SVEP1: variants seen among roughly 807,000 people sequenced by gnomAD.
SVEP1 encodes sushi, von Willebrand factor type A, EGF and pentraxin domain containing 1.
Under a neutral mutation model 367.3 loss-of-function variants are expected in SVEP1, and 164 were observed. The observed-to-expected ratio is 0.45, with a 90% CI of 0.39 to 0.51. The LOEUF (loss-of-function observed/expected upper bound fraction) is 0.51. Among genes scored for constraint, SVEP1 ranks in the 20% least tolerant of loss-of-function variants. The pLI, the probability that SVEP1 is intolerant of heterozygous loss-of-function variation, is 0.00. For synonymous variants in SVEP1, 1,666 were observed against 1,611.6 expected, an observed-to-expected ratio of 1.03 and a Z score of -0.81; for missense variants, 4,117 against 4,425.3, an observed-to-expected ratio of 0.93 and a Z score of 1.98.
intron 43 of SVEP1, among the ~76,000 whole-genome samples, chr9:110,385,044 G>A (rs1404682331): frequency 6.7e-6 from 1 of 148,940 alleles, no homozygotes; most frequent in African/African-American, 2.5e-5. Flanking sequence ...GCAGTGGTGC[G>A]ATCTTGGCTC....
chr9:110,390,221 A>ATATACTTATATAAGTATGTGTATG (rs1827621087), intron 40 of SVEP1, among the ~76,000 whole-genome samples: 1 of 139,126 alleles, frequency 7.2e-6, no homozygotes, highest in South Asian at 2.1e-4. Flanking sequence ...ATACTTGTAT[A>ATATACTTATATAAGTATGTGTATG]TATACTTATA....
At chr9:110,432,774 T>G (rs1022954378) in intron 30 of SVEP1, 139 bp from the exon 31 acceptor site, 29 of 961,768 alleles carry the variant, frequency 3.0e-5, no homozygotes, top group African/African-American at 8.2e-5. Flanking sequence ...GTCCTAGGGA[T>G]AGCAGCAGCC....
intron 12 of SVEP1, 145 bp from the exon 13 acceptor site, chr9:110,479,901 A>G: frequency 8.7e-7 from 1 of 1,143,952 alleles, no homozygotes; most frequent in Non-Finnish European, 1.2e-6. Context: ...AGTTAAGGAG[A>G]GTTTCTAGGC....
At chr9:110,373,324 T>C (rs950864947) in intron 46 of SVEP1, among the ~76,000 whole-genome samples, 59 of 152,312 alleles carry the variant, frequency 3.9e-4, no homozygotes, top group African/African-American at 1.4e-3. Flanking sequence ...TGGCTCAATT[T>C]TGGCTTTAGG....
At chr9:110,399,341 G>A (rs1827820703) in intron 40 of SVEP1, among the ~76,000 whole-genome samples, 1 of 150,510 alleles carries the variant, frequency 6.6e-6, no homozygotes, top group African/African-American at 2.5e-5. Flanking sequence ...ACTGGGTCCT[G>A]TTGTGGGGTC....
chr9:110,518,614 A>G (rs1021490228), intron 3 of SVEP1, among the ~76,000 whole-genome samples: 5 of 152,098 alleles, frequency 3.3e-5, no homozygotes, highest in Non-Finnish European at 5.9e-5. Flanking sequence ...CAAATCATAG[A>G]TTTCATTTCA....
chr9:110,408,125 G>A lies in SVEP1; in HGVS notation c.7475C>T (p.Thr2492Ile). 1 of 1,613,836 alleles carries A rather than the reference G, an allele frequency of 6.2e-7. No individual in the cohort carries two copies. Among genetic ancestry groups the A allele is most frequent in the Non-Finnish European group, 8.5e-7 (1 of 1,179,832 alleles). Reference protein sequence around the residue: ...ENGHWLGGKPTCKAIECLKPK... With the variant: ...ENGHWLGGKPICKAIECLKPK... ...TTTCAGGCACTCAATGGCTTTACAT[G>A]TTGGTTTTCCTCCAAGCCAGTGACC... The change falls in exon 38 of 48, where the codon ACA becomes ATA. Residue 2492 changes from threonine to isoleucine, a missense_variant. Physicochemically the swap from Thr to Ile is moderately conservative, Grantham distance 89. This residue lies in a region of SVEP1 where 1,765 missense variants were observed against 1,781.1 expected (regional missense o/e 0.99). Transcript: ENST00000374469.
chr9:110,436,220 T>C (rs1370614108), intron 28 of SVEP1, among the ~76,000 whole-genome samples, 160 bp downstream of exon 28: 1 of 152,182 alleles, frequency 6.6e-6, no homozygotes, highest in Admixed American at 6.5e-5. Context: ...CTGTAACTTC[T>C]GCCTAACTTC....
intron 10 of SVEP1, 84 bp downstream of exon 10, chr9:110,483,502 T>A (rs2118708527): frequency 1.2e-6 from 1 of 832,002 alleles, no homozygotes; most frequent in East Asian, 3.0e-5. Context: ...ATTTGCTTTT[T>A]CTCTTTTATC....
chr9:110,540,982 A>G lies in SVEP1; in HGVS notation c.964+5133T>C, dbSNP rs115185030. Among the ~76,000 whole-genome samples the G allele has an allele frequency of 2.2e-3, 338 of 152,298 alleles. 1 individual carries two copies. The highest frequency in any genetic ancestry group is 7.6e-3 in the African/African-American group (318 of 41,584). On this transcript the variant is annotated intron_variant, in intron 3 of 47. Coordinates refer to ENST00000374469, the MANE Select transcript of SVEP1 (RefSeq NM_153366.4). ...CCCACAACAACGAGGAAGAAAGAGA[A>G]GACCACAGTAATATCATGATGGTCA... is the stretch of plus-strand genomic sequence containing the variant.
chr9:110,479,209 C>T (rs142521608), intron 13 of SVEP1, among the ~76,000 whole-genome samples: 4,283 of 152,142 alleles, frequency 0.028, 188 homozygotes, highest in African/African-American at 0.098. Flanking sequence ...TGAGCCACCG[C>T]GCCTGGTCTG....
rs1381930649 is a variant in SVEP1 at position 110,406,796 on chromosome 9, C to G, written c.8804G>C (p.Gly2935Ala). 6.2e-7 allele frequency: 1 copy of G among 1,613,892 alleles called. No homozygotes were observed. The highest frequency in any genetic ancestry group is 1.3e-5 in the African/African-American group (1 of 74,922). The change falls in exon 38 of 48, where the codon GGC becomes GCC. Residue 2935 changes from glycine to alanine, a missense_variant. Coordinates refer to ENST00000374469, the MANE Select transcript of SVEP1 (RefSeq NM_153366.4). ...GAGAGGAATCTCTGCATCCCAGTTG[C>G]CATCTGACTGACAGGTGAGTTTTGG... ...GAPKLTCQSDGNWDAEIPLCK... is the reference protein window; with the variant it reads ...GAPKLTCQSDANWDAEIPLCK...
chr9:110,484,595 G>T (rs1829248228), intron 9 of SVEP1, among the ~76,000 whole-genome samples: 1 of 152,110 alleles, frequency 6.6e-6, no homozygotes, highest in East Asian at 1.9e-4. Context: ...TGACAAATGG[G>T]ATCTAATTAA....
At chr9:110,434,688 C>CAAAAAAAAAAAAAAAAAAA (rs1356481750) in intron 29 of SVEP1, among the ~76,000 whole-genome samples, 182 bp from the exon 30 acceptor site, 7 of 23,528 alleles carry the variant, frequency 3.0e-4, no homozygotes, top group East Asian at 3.6e-3. Flanking sequence ...AAAAAAAAAG[C>CAAAAAAAAAAAAAAAAAAA]ATTTAAGTCA....
Position 110,457,319 on chromosome 9 carries a change from T to C in SVEP1, c.3610A>G (p.Asn1204Asp), listed in dbSNP as rs372970458. The C allele has an allele frequency of 3.1e-6, 5 of 1,612,582 alleles. No homozygotes were observed. In the African/African-American group the frequency reaches 5.3e-5, roughly 17 times the overall value. The part of the protein sequence containing the change: ...FHECFFNPCH[N>D]SGTCQQLGRG... ...CCAAGTTGCTGGCAGGTTCCACTAT[T>C]GTGGCAAGGGTTAAAGAAGCATTCA... is the stretch of plus-strand genomic sequence containing the variant. Residue 1204 changes from asparagine to aspartate, a missense_variant, in exon 21 of 48, where the codon AAT becomes GAT. Around this residue, in one of 4 missense-constraint regions of SVEP1, gnomAD observed 2,174 missense variants for 2,494.3 expected, o/e 0.87. Coordinates refer to ENST00000374469, the MANE Select transcript of SVEP1 (RefSeq NM_153366.4).
chr9:110,444,346 G>A (rs1001863150), intron 26 of SVEP1, among the ~76,000 whole-genome samples: 4 of 148,728 alleles, frequency 2.7e-5, no homozygotes, highest in Non-Finnish European at 6.0e-5. Flanking sequence ...GTGCCATCGT[G>A]GACAGGAAAG....
intron 3 of SVEP1, among the ~76,000 whole-genome samples, chr9:110,536,831 C>T (rs1163892319): frequency 6.6e-6 from 1 of 151,862 alleles, no homozygotes; most frequent in African/African-American, 2.4e-5. Context: ...TCCTCCTTAA[C>T]TCATTTTATA....
At position 110,387,534 on chromosome 9, in the gene SVEP1, G is replaced by T. The variant is rs1266084506; in HGVS notation, c.9887-76C>A. The T allele has an allele frequency of 3.6e-6, 5 of 1,388,672 alleles. No homozygotes were observed. In the African/African-American group the frequency reaches 4.4e-5, roughly 12 times the overall value. The allele number at this position is 1,388,672 out of a possible 1,614,324, so 86.0% of individuals were successfully genotyped here. On this transcript the variant is annotated intron_variant, in intron 41 of 47. Coordinates refer to ENST00000374469, the MANE Select transcript of SVEP1 (RefSeq NM_153366.4). Reference sequence around the variant, plus strand: ...TCCTTCTTTTCCTATGATTGCCAAAGATATTTCATGGAATATATAAAATAT... The same window carrying T: ...TCCTTCTTTTCCTATGATTGCCAAATATATTTCATGGAATATATAAAATAT...
At chr9:110,437,844 T>G (rs760421710) in intron 27 of SVEP1, among the ~76,000 whole-genome samples, 2 of 152,164 alleles carry the variant, frequency 1.3e-5, no homozygotes, top group Non-Finnish European at 2.9e-5. Flanking sequence ...TTGATCTCCC[T>G]TGTTGGTCAA....
Sources: gnomAD v4.1 joint callset for allele counts (sites outside exome capture counted in the v4.1 genomes callset) on GRCh38, gnomAD v4.1.1 for gene constraint, gnomAD v4.1.1 regional missense constraint, MANE v1.5 for transcripts, NCBI Gene and HGNC (gene_info 2026-07-23, HGNC 2026-07-21) for gene names.